Variants in ETFA observed in about 807,000 individuals in gnomAD.
ETFA encodes the protein electron transfer flavoprotein subunit alpha, mitochondrial.
ETFA carries 22 observed loss-of-function variants against 46.2 expected under a neutral mutation model. That is an observed-to-expected ratio of 0.48 (90% CI 0.34 to 0.68). The LOEUF (loss-of-function observed/expected upper bound fraction) is 0.68, where lower values mean the gene tolerates loss of function less well. Ranked by LOEUF, ETFA falls within the 30% of genes least tolerant of loss-of-function variation. The pLI, the probability that ETFA is intolerant of heterozygous loss-of-function variation, is 0.01. For missense variants in ETFA, 345 were observed against 401.1 expected, an observed-to-expected ratio of 0.86 and a Z score of 1.19; for synonymous variants, 131 against 139.9, an observed-to-expected ratio of 0.94 and a Z score of 0.45.
chr15:76,301,203 G>A (rs891586080), intron 1 of ETFA, among the ~76,000 whole-genome samples: 2 of 152,150 alleles, frequency 1.3e-5, no homozygotes, highest in African/African-American at 4.8e-5. Flanking sequence ...GGACCGTCTC[G>A]GACTAGTTAG....
At chr15:76,249,736 C>T (rs536275260) in intron 9 of ETFA, among the ~76,000 whole-genome samples, 8 of 152,160 alleles carry the variant, frequency 5.3e-5, no homozygotes, top group South Asian at 2.1e-4. Context: ...CCACCATGCC[C>T]GGCCCAGTAA....
At chr15:76,292,819 T>C in intron 2 of ETFA, 119 bp from the exon 3 acceptor site, 1 of 794,992 alleles carries the variant, frequency 1.3e-6, no homozygotes, top group Non-Finnish European at 2.2e-6. Flanking sequence ...ATTATTCTTA[T>C]TAGCAAAAGG....
intron 9 of ETFA, among the ~76,000 whole-genome samples, chr15:76,270,492 C>T (rs923048144): frequency 1.5e-4 from 23 of 152,164 alleles, no homozygotes; most frequent in African/African-American, 5.1e-4. Context: ...CCTAGACATA[C>T]ACATGCCCAC....
chr15:76,302,527 T>C (rs71403600), intron 1 of ETFA, among the ~76,000 whole-genome samples: 17 of 151,784 alleles, frequency 1.1e-4, no homozygotes, highest in African/African-American at 3.9e-4. Context: ...TTTGTTGTTG[T>C]TGTTTTGTTT....
chr15:76,225,480 G>A (rs1305203899), intron 11 of ETFA, among the ~76,000 whole-genome samples: 1 of 151,916 alleles, frequency 6.6e-6, no homozygotes, highest in Admixed American at 6.6e-5. Context: ...TAGTAGAGAC[G>A]GGGTTTCACT....
chr15:76,233,688 G>T (rs2039093163), intron 9 of ETFA, among the ~76,000 whole-genome samples: 1 of 152,152 alleles, frequency 6.6e-6, no homozygotes, highest in Non-Finnish European at 1.5e-5. Context: ...TTCATAAAGG[G>T]ACATTTGTTA....
chr15:76,267,983 A>G (rs2039489053), intron 9 of ETFA, among the ~76,000 whole-genome samples: 1 of 152,162 alleles, frequency 6.6e-6, no homozygotes, highest in African/African-American at 2.4e-5. Flanking sequence ...CCACCTGTAC[A>G]GTGCAAATTG....
chr15:76,302,433 T>A (rs1456610261), intron 1 of ETFA, among the ~76,000 whole-genome samples: 1 of 150,696 alleles, frequency 6.6e-6, no homozygotes, highest in Non-Finnish European at 1.5e-5. Flanking sequence ...CCCAACTATA[T>A]GACACTCTGT....
intron 9 of ETFA, among the ~76,000 whole-genome samples, chr15:76,249,097 A>T (rs1248585464): frequency 6.6e-6 from 1 of 151,842 alleles, no homozygotes; most frequent in South Asian, 2.1e-4. Context: ...AAATTGTGCT[A>T]AAATATATAT....
chr15:76,296,975 A>G (rs7179750), intron 1 of ETFA, among the ~76,000 whole-genome samples: 43,472 of 152,100 alleles, frequency 0.29, 6,652 homozygotes, highest in East Asian at 0.58. Flanking sequence ...CCATAGGCAT[A>G]AGGAAAAAAT....
At position 76,233,742 on chromosome 15, in the gene ETFA, C is replaced by T. The variant is rs181347504; in HGVS notation, c.817-2344G>A. On this transcript the variant is annotated intron_variant, in intron 9 of 11. Coordinates refer to ENST00000557943, the MANE Select transcript of ETFA (RefSeq NM_000126.4). ...ACTAACATTCATATTCAGAAAAACC[C>T]GGCAAACAAATTCTAACATAAAGAT... Among the ~76,000 whole-genome samples, 624 of 152,172 alleles carry T rather than the reference C, an allele frequency of 4.1e-3. 3 individuals are homozygous for T. Among genetic ancestry groups the T allele is most frequent in the South Asian group, 0.014 (65 of 4,812 alleles).
intron 7 of ETFA, chr15:76,284,580 T>C: frequency 6.1e-6 from 1 of 164,586 alleles, no homozygotes; most frequent in Non-Finnish European, 1.3e-5. Context: ...AACCTCTGCC[T>C]CCCAGGTTCA....
In ETFA at chr15:76,292,533, G is replaced by C; in HGVS notation, c.269-20C>G. Reference sequence around the variant, plus strand: ...GTTCCTCTGAGAATTAAACACATTTGATAAAAAAATATTTTGAAATACTTT... The same window carrying C: ...GTTCCTCTGAGAATTAAACACATTTCATAAAAAAATATTTTGAAATACTTT... On this transcript the variant is annotated intron_variant, in intron 3 of 11. Transcript: ENST00000557943. The C allele has an allele frequency of 6.2e-7, 1 of 1,604,528 alleles. No homozygotes were observed. Among genetic ancestry groups the C allele is most frequent in the Non-Finnish European group, 8.5e-7 (1 of 1,171,296 alleles).
rs199545106 is a variant in ETFA, at chr15:76,228,758, T to TA, written c.882+2574_882+2575insT. On this transcript the variant is annotated intron_variant, in intron 10 of 11. Coordinates refer to ENST00000557943, the MANE Select transcript of ETFA (RefSeq NM_000126.4). Reference sequence around the variant, plus strand: ...ACCATATTATTATTATTACTTTTTTTTTTTTTTTTTTTTTTAGATGGAGTC... The same window carrying TA: ...ACCATATTATTATTATTACTTTTTTTATTTTTTTTTTTTTTTAGATGGAGTC... 12 of 161,304 alleles carry TA rather than the reference T, an allele frequency of 7.4e-5. No individual in the cohort carries two copies. In the East Asian group the frequency reaches 2.2e-3, roughly 30 times the overall value. The allele number at this position is 161,304 out of a possible 1,614,324, so 10.0% of individuals were successfully genotyped here.
rs552498321 is a variant in ETFA at position 76,263,073 on chromosome 15, G to GA, written c.816+11338dup. Among the ~76,000 whole-genome samples the GA allele has an allele frequency of 2.2e-3, 336 of 152,266 alleles. 2 individuals carry two copies. The highest frequency in any genetic ancestry group is 7.0e-3 in the African/African-American group (292 of 41,562). ...ATCTCAAGTAGCCATATGTTTCAAAGAAAATGCTACACCATCATAGCTGTA... is the reference window on the plus strand; with the variant it reads ...ATCTCAAGTAGCCATATGTTTCAAAGAAAAATGCTACACCATCATAGCTGTA... On this transcript the variant is annotated intron_variant, in intron 9 of 11. Coordinates refer to ENST00000557943, the MANE Select transcript of ETFA (RefSeq NM_000126.4).
chr15:76,273,712 T>C (rs1301904910), intron 9 of ETFA, among the ~76,000 whole-genome samples: 1 of 140,544 alleles, frequency 7.1e-6, no homozygotes, highest in Non-Finnish European at 1.6e-5. Context: ...AGACTGCATA[T>C]TGTTTTGAAA....
intron 11 of ETFA, among the ~76,000 whole-genome samples, chr15:76,224,021 C>T (rs1419185030): frequency 3.3e-5 from 5 of 152,122 alleles, no homozygotes; most frequent in Non-Finnish European, 4.4e-5. Context: ...AAAATATTCT[C>T]TTGAGGAAAA....
At chr15:76,242,883 A>T (rs568054380) in intron 9 of ETFA, among the ~76,000 whole-genome samples, 3 of 152,372 alleles carry the variant, frequency 2.0e-5, no homozygotes, top group African/African-American at 7.2e-5. Flanking sequence ...GGTAGAACGT[A>T]ATAAGTTATT....
At chr15:76,238,630 T>C (rs1289239717) in intron 9 of ETFA, among the ~76,000 whole-genome samples, 2 of 152,180 alleles carry the variant, frequency 1.3e-5, no homozygotes, top group Non-Finnish European at 2.9e-5. Context: ...AAATGCCAGG[T>C]TAGGAGTTAA....
Sources: allele counts gnomAD v4.1 joint callset (sites outside exome capture counted in the v4.1 genomes callset), GRCh38; gene constraint gnomAD v4.1.1; transcripts MANE v1.5; gene names NCBI Gene and HGNC (gene_info 2026-07-23, HGNC 2026-07-21).